SPATA16: variants seen among roughly 807,000 people sequenced by gnomAD.
SPATA16 encodes spermatogenesis-associated protein 16.
Under a neutral mutation model 63.3 loss-of-function variants are expected in SPATA16, and 36 were observed. That is an observed-to-expected ratio of 0.57 (90% CI 0.44 to 0.75). The LOEUF (loss-of-function observed/expected upper bound fraction) is 0.75, where lower values mean the gene tolerates loss of function less well. Among genes scored for constraint, SPATA16 ranks in the 30% least tolerant of loss-of-function variants. The pLI is 0.00. For missense variants in SPATA16, 646 were observed against 679.3 expected (o/e 0.95, Z 0.54); for synonymous variants, 203 against 216.7 (o/e 0.94, Z 0.56).
chr3:173,012,844 A>G lies in SPATA16; in HGVS notation c.848+6642T>C, dbSNP rs560327312. On this transcript the variant is annotated intron_variant, in intron 4 of 10. Transcript: ENST00000351008. ...AAAATCTTGGAAGAAAACCTAGGAT[A>G]TACCTACCATTCTAGACATTGGCCT... Among the ~76,000 whole-genome samples the G allele has an allele frequency of 2.0e-5, 3 of 152,342 alleles. No individual in the cohort carries two copies. The South Asian group carries it at 6.2e-4, about 32-fold the overall frequency.
At position 172,904,607 on chromosome 3, in the gene SPATA16, C is replaced by T. The variant is rs186469729; in HGVS notation, c.1587+9054G>A. ...CCAGTTTTGGAGGCAAGGCCAACTA[C>T]AGGTGCAAAGTGGGTGATTAGCAAA... On this transcript the variant is annotated intron_variant, in intron 10 of 10. Coordinates refer to ENST00000351008, the MANE Select transcript of SPATA16 (RefSeq NM_031955.6). 5.3e-5 allele frequency among the ~76,000 whole-genome samples: 8 copies of T among 152,352 alleles called. No homozygotes were observed. The East Asian group carries it at 1.3e-3, about 26-fold the overall frequency.
At chr3:173,127,339 A>G (rs1738251621) in intron 1 of SPATA16, among the ~76,000 whole-genome samples, 1 of 152,224 alleles carries the variant, frequency 6.6e-6, no homozygotes. Flanking sequence ...CTGTAGCATA[A>G]TACAGTTATC....
intron 10 of SPATA16, among the ~76,000 whole-genome samples, chr3:172,900,804 C>T (rs1732112924): frequency 6.6e-6 from 1 of 151,942 alleles, no homozygotes; most frequent in African/African-American, 2.4e-5. Flanking sequence ...CCACGCCCAG[C>T]TAATTTTTTG....
intron 3 of SPATA16, among the ~76,000 whole-genome samples, chr3:173,047,459 T>A (rs531902159): frequency 2.6e-5 from 4 of 152,134 alleles, no homozygotes; most frequent in Admixed American, 2.6e-4. Context: ...CATCTCAATT[T>A]ATTATTGTTT....
intron 5 of SPATA16, among the ~76,000 whole-genome samples, chr3:172,969,005 G>T (rs1733981478): frequency 6.6e-6 from 1 of 152,148 alleles, no homozygotes; most frequent in South Asian, 2.1e-4. Context: ...TCTTTAGTCT[G>T]TCTTCTAATT....
Position 173,122,357 on chromosome 3 carries a change from A to G in SPATA16, c.-18-4608T>C, listed in dbSNP as rs1379193727. 2.6e-5 allele frequency among the ~76,000 whole-genome samples: 4 copies of G among 152,306 alleles called. No individual in the cohort carries two copies. The East Asian group carries it at 5.8e-4, about 22-fold the overall frequency. On this transcript the variant is annotated intron_variant, in intron 1 of 10. Transcript: ENST00000351008. ...GAGTTTCTATTGCTTCATAGATTCA[A>G]TCAGTGGTTTACATGGCTATTAGTA...
chr3:173,050,098 A>G (rs1293825704), intron 2 of SPATA16, among the ~76,000 whole-genome samples: 1 of 152,166 alleles, frequency 6.6e-6, no homozygotes, highest in Non-Finnish European at 1.5e-5. Flanking sequence ...TGCTTAAATG[A>G]CATAGTTTAA....
At chr3:173,018,572 T>G (rs890155169) in intron 4 of SPATA16, among the ~76,000 whole-genome samples, 2 of 151,904 alleles carry the variant, frequency 1.3e-5, no homozygotes, top group Non-Finnish European at 2.9e-5. Flanking sequence ...CAGTGTCAAT[T>G]TTATGAAGCC....
chr3:172,986,056 A>G (rs1171674187), intron 4 of SPATA16, among the ~76,000 whole-genome samples: 1 of 151,850 alleles, frequency 6.6e-6, no homozygotes, highest in Non-Finnish European at 1.5e-5. Context: ...GGACAGTGAT[A>G]CTCTCTGGCT....
intron 2 of SPATA16, among the ~76,000 whole-genome samples, chr3:173,074,629 A>G (rs1455797356): frequency 2.0e-5 from 3 of 152,060 alleles, no homozygotes; most frequent in South Asian, 4.1e-4. Flanking sequence ...TTTTCTTTAT[A>G]AATTACCCAG....
intron 5 of SPATA16, among the ~76,000 whole-genome samples, chr3:172,967,996 T>C (rs1260641853): frequency 6.6e-6 from 1 of 152,186 alleles, no homozygotes; most frequent in Non-Finnish European, 1.5e-5. Flanking sequence ...CACCCTAGTT[T>C]ATGGAAAAAC....
chr3:173,034,537 T>C (rs914405297), intron 3 of SPATA16, among the ~76,000 whole-genome samples: 1 of 152,120 alleles, frequency 6.6e-6, no homozygotes, highest in Non-Finnish European at 1.5e-5. Context: ...CTTAAGCCCT[T>C]TGTGGCCCTT....
At chr3:173,113,830 A>T (rs1737813304) in intron 2 of SPATA16, among the ~76,000 whole-genome samples, 1 of 152,162 alleles carries the variant, frequency 6.6e-6, no homozygotes, top group Non-Finnish European at 1.5e-5. Flanking sequence ...CTTTAACCAC[A>T]ACCAGTCCTC....
At chr3:173,111,381 G>A (rs1737746667) in intron 2 of SPATA16, among the ~76,000 whole-genome samples, 2 of 152,128 alleles carry the variant, frequency 1.3e-5, no homozygotes, top group South Asian at 4.1e-4. Flanking sequence ...CTGCACTCCA[G>A]CCTGGGTGAC....
chr3:173,133,784 A>T (rs1738450381), intron 1 of SPATA16, among the ~76,000 whole-genome samples: 1 of 152,192 alleles, frequency 6.6e-6, no homozygotes, highest in African/African-American at 2.4e-5. Flanking sequence ...ACAAAAAAAG[A>T]AAGAAAGGAA....
chr3:173,117,907 T>A (rs1737952214), intron 1 of SPATA16, among the ~76,000 whole-genome samples, 158 bp from the exon 2 acceptor site: 1 of 152,254 alleles, frequency 6.6e-6, no homozygotes, highest in Admixed American at 6.5e-5. Flanking sequence ...ACTATTTTAA[T>A]AGAGGAGTGT....
chr3:173,062,638 T>G (rs911004671), intron 2 of SPATA16, among the ~76,000 whole-genome samples: 1 of 152,222 alleles, frequency 6.6e-6, no homozygotes, highest in Non-Finnish European at 1.5e-5. Context: ...CTGTCTCATT[T>G]AGATCCTATG....
intron 6 of SPATA16, among the ~76,000 whole-genome samples, chr3:172,925,997 T>C (rs1442630271): frequency 6.6e-6 from 1 of 152,094 alleles, no homozygotes; most frequent in Non-Finnish European, 1.5e-5. Flanking sequence ...AGCTGATTTT[T>C]GTATTTTTAG....
chr3:173,077,281 TTTC>T (rs1736830007), intron 2 of SPATA16, among the ~76,000 whole-genome samples: 1 of 152,158 alleles, frequency 6.6e-6, no homozygotes, highest in African/African-American at 2.4e-5. Context: ...TAAGTTAGAC[TTTC>T]TTCTTCACTT....
Sources: gnomAD v4.1 joint callset for allele counts (sites outside exome capture counted in the v4.1 genomes callset) on GRCh38, gnomAD v4.1.1 for gene constraint, MANE v1.5 for transcripts, NCBI Gene and HGNC (gene_info 2026-07-23, HGNC 2026-07-21) for gene names.